Variants in CIBAR1 observed in about 807,000 individuals in gnomAD.
CIBAR1 encodes the protein CBY1 interacting BAR domain containing 1.
Under a neutral mutation model 44.0 loss-of-function variants are expected in CIBAR1, and 25 were observed. The observed-to-expected ratio is 0.57, with a 90% CI of 0.41 to 0.79. The LOEUF is 0.79. Ranked by LOEUF, CIBAR1 falls within the 30% of genes least tolerant of loss-of-function variation. The probability of loss-of-function intolerance (pLI) is 0.00; values close to 1 mark genes in which losing one functional copy is unlikely to be tolerated. For synonymous variants in CIBAR1, 115 were observed against 119.0 expected (o/e 0.97, Z 0.22); for missense variants, 278 against 344.8 (o/e 0.81, Z 1.53).
rs1214686222 is a variant in CIBAR1 at position 93,729,119 on chromosome 8, T to C, written c.*822T>C. 6.6e-6 allele frequency: 1 copy of C among 152,120 alleles called. No homozygotes were observed. The highest frequency in any genetic ancestry group is 1.5e-5 in the Non-Finnish European group (1 of 67,952). 9.4% of individuals were successfully genotyped at this position (152,120 alleles called of 1,614,324 possible). On this transcript the variant is annotated 3_prime_UTR_variant, in exon 9 of 9. Transcript: ENST00000518322. ...TTTCAGTGTATCTGATGCTTCTCTT[T>C]TGGTAAGGAATACTTTTATTTCATG...
chr8:93,703,264 C>G (rs1258602619), intron 2 of CIBAR1, among the ~76,000 whole-genome samples: 2 of 152,150 alleles, frequency 1.3e-5, no homozygotes, highest in Non-Finnish European at 2.9e-5. Flanking sequence ...AAAAGTTGAG[C>G]TATTACAGTT....
At chr8:93,724,521 C>G in intron 7 of CIBAR1, 1 of 862,310 alleles carries the variant, frequency 1.2e-6, no homozygotes, top group Middle Eastern at 2.6e-4. Flanking sequence ...GATGGAGTTT[C>G]GCCATGTTGC....
Position 93,726,850 on chromosome 8 carries a change from A to G in CIBAR1, c.777+337A>G, listed in dbSNP as rs1488624954. 4 of 348,654 alleles carry G rather than the reference A, an allele frequency of 1.1e-5. No homozygotes were observed. In the Admixed American group the frequency reaches 1.8e-4, roughly 16 times the overall value. The allele number at this position is 348,654 out of a possible 1,614,324, so 21.6% of individuals were successfully genotyped here. A position where few individuals can be genotyped will look rare whatever the true frequency, so the allele number is the denominator to read the frequency against. ...GGTTTAAATCTCACTATCAAAACTT[A>G]GTGGATCTCATTAAATTATAAAGTT... On this transcript the variant is annotated intron_variant, in intron 8 of 8. Coordinates refer to ENST00000518322, the MANE Select transcript of CIBAR1 (RefSeq NM_145269.5).
At chr8:93,702,297 T>C in intron 2 of CIBAR1, 1 of 412,462 alleles carries the variant, frequency 2.4e-6, no homozygotes. Flanking sequence ...GGAGTTCTTG[T>C]CATGAAACTT....
chr8:93,727,912 T>A (rs1811601179), intron 8 of CIBAR1, among the ~76,000 whole-genome samples: 1 of 151,990 alleles, frequency 6.6e-6, no homozygotes, highest in African/African-American at 2.4e-5. Context: ...CCAAAATTTA[T>A]TTTTAATATT....
In CIBAR1 at chr8:93,700,581, G is replaced by A. The variant is rs1810293614; in HGVS notation, c.-67G>A. The A allele has an allele frequency of 1.4e-6, 2 of 1,417,556 alleles. No individual in the cohort carries two copies. The highest frequency in any genetic ancestry group is 1.5e-5 in the South Asian group (1 of 68,192). 87.8% of individuals were successfully genotyped at this position (1,417,556 alleles called of 1,614,324 possible). A position where few individuals can be genotyped will look rare whatever the true frequency, so the allele number is the denominator to read the frequency against. ...CCGGCGGCTGCTTGCGCCCCAGCGC[G>A]CGCCCAGGCGCCTTGGAATCCCCGT... On this transcript the variant is annotated 5_prime_UTR_variant, in exon 1 of 9. Coordinates refer to ENST00000518322, the MANE Select transcript of CIBAR1 (RefSeq NM_145269.5).
chr8:93,727,673 CAT>C (rs1302891187), intron 8 of CIBAR1, among the ~76,000 whole-genome samples: 1 of 152,216 alleles, frequency 6.6e-6, no homozygotes, highest in Non-Finnish European at 1.5e-5. Flanking sequence ...TGTCTCTAGA[CAT>C]TCCCAAATGT....
chr8:93,701,343 A>G lies in CIBAR1; in HGVS notation c.146A>G (p.Asp49Gly). ...RKTARLRDKADLLVNEINAYA... is the reference protein window; with the variant it reads ...RKTARLRDKAGLLVNEINAYA... ...ACTGCCAGGCTGAGAGACAAAGCAGACCTCCTGGTGAATGAAATTAACGCG... is the reference window on the plus strand; with the variant it reads ...ACTGCCAGGCTGAGAGACAAAGCAGGCCTCCTGGTGAATGAAATTAACGCG... The change falls in exon 2 of 9, where the codon GAC becomes GGC. Residue 49 changes from aspartate to glycine, a missense_variant. Transcript: ENST00000518322. The G allele has an allele frequency of 6.2e-7, 1 of 1,613,778 alleles. No individual in the cohort carries two copies. The highest frequency in any genetic ancestry group is 8.5e-7 in the Non-Finnish European group (1 of 1,179,872).
rs545458384 is a variant in CIBAR1, at chr8:93,730,354, C to A, written c.*2057C>A. ...CACTCCTAACATGATTTTTACCTAT[C>A]TCTTGGTTGTGGGATTGACTTTCTA... On this transcript the variant is annotated 3_prime_UTR_variant, in exon 9 of 9. Coordinates refer to ENST00000518322, the MANE Select transcript of CIBAR1 (RefSeq NM_145269.5). 4.6e-5 allele frequency: 7 copies of A among 152,080 alleles called. No individual in the cohort carries two copies. Among genetic ancestry groups the A allele is most frequent in the Non-Finnish European group, 1.0e-4 (7 of 68,024 alleles). 9.4% of individuals were successfully genotyped at this position (152,080 alleles called of 1,614,324 possible). A position where few individuals can be genotyped will look rare whatever the true frequency, so the allele number is the denominator to read the frequency against.
At chr8:93,708,621 A>T (rs1810697881) in intron 5 of CIBAR1, among the ~76,000 whole-genome samples, 1 of 152,190 alleles carries the variant, frequency 6.6e-6, no homozygotes, top group South Asian at 2.1e-4. Context: ...ATTTTTTGTA[A>T]TAAGCATTAA....
At chr8:93,705,183 A>G (rs1810531917) in intron 4 of CIBAR1, 173 bp downstream of exon 4, 1 of 518,348 alleles carries the variant, frequency 1.9e-6, no homozygotes, top group Non-Finnish European at 3.4e-6. Flanking sequence ...AGGTTACGCC[A>G]CCTAATTCAA....
At chr8:93,700,937 A>G in intron 1 of CIBAR1, 5 of 1,373,940 alleles carry the variant, frequency 3.6e-6, no homozygotes, top group Non-Finnish European at 3.7e-6. Flanking sequence ...GCGGAAGCCT[A>G]GGAGGCAGCC....
intron 6 of CIBAR1, among the ~76,000 whole-genome samples, chr8:93,717,961 A>G (rs528653691): frequency 1.3e-4 from 20 of 152,258 alleles, no homozygotes; most frequent in African/African-American, 4.8e-4. Flanking sequence ...TCATGCTTAT[A>G]GAGGTTACCT....
chr8:93,715,112 G>T (rs1810990130), intron 6 of CIBAR1, among the ~76,000 whole-genome samples: 1 of 152,214 alleles, frequency 6.6e-6, no homozygotes, highest in Non-Finnish European at 1.5e-5. Context: ...TAAACAGCAA[G>T]GTAATACATT....
At chr8:93,703,510 ATG>A (rs1401518459) in intron 2 of CIBAR1, 108 bp from the exon 3 acceptor site, 2 of 603,140 alleles carry the variant, frequency 3.3e-6, no homozygotes, top group Non-Finnish European at 5.6e-6. Context: ...ACAGTTTTTA[ATG>A]TGTTTTGAGT....
At chr8:93,709,263 A>G (rs1810725394) in intron 5 of CIBAR1, among the ~76,000 whole-genome samples, 1 of 152,180 alleles carries the variant, frequency 6.6e-6, no homozygotes, top group South Asian at 2.1e-4. Flanking sequence ...CTGGGCAACA[A>G]GAGCAAAACT....
At chr8:93,709,006 C>T (rs1484913945) in intron 5 of CIBAR1, among the ~76,000 whole-genome samples, 8 of 152,064 alleles carry the variant, frequency 5.3e-5, no homozygotes, top group African/African-American at 9.7e-5. Context: ...AGGCCAGGTG[C>T]GGTGGCTTAC....
At chr8:93,726,266 A>G (rs1159909013) in intron 7 of CIBAR1, 128 bp from the exon 8 acceptor site, 7 of 757,364 alleles carry the variant, frequency 9.2e-6, no homozygotes, top group African/African-American at 7.1e-5. Flanking sequence ...TACATTTACA[A>G]TAATTGGAAT....
intron 2 of CIBAR1, chr8:93,702,127 GC>G: frequency 6.7e-6 from 2 of 300,372 alleles, no homozygotes; most frequent in South Asian, 2.9e-5. Flanking sequence ...ATCAGAAGTT[GC>G]CCAGTTAGAA....
Sources: gnomAD v4.1 joint callset for allele counts (sites outside exome capture counted in the v4.1 genomes callset) on GRCh38, gnomAD v4.1.1 for gene constraint, MANE v1.5 for transcripts, NCBI Gene and HGNC (gene_info 2026-07-23, HGNC 2026-07-21) for gene names.